Variants in SGCZ observed in about 807,000 individuals in gnomAD.
The protein encoded by SGCZ is sarcoglycan zeta.
A neutral mutation model predicts 41.3 loss-of-function variants in SGCZ; 40 were observed. The observed-to-expected ratio is 0.97, with a 90% confidence interval of 0.75 to 1.26. The LOEUF (loss-of-function observed/expected upper bound fraction) is 1.26. SGCZ is among the 50% of genes most tolerant of loss of function. The probability of loss-of-function intolerance (pLI) is 0.00; values close to 1 mark genes in which losing one functional copy is unlikely to be tolerated. For missense variants in SGCZ, 552 were observed against 369.8 expected, an observed-to-expected ratio of 1.49 and a Z score of -4.04; for synonymous variants, 206 against 137.5, an observed-to-expected ratio of 1.50 and a Z score of -3.49.
chr8:14,803,633 G>T (rs111925871), intron 1 of SGCZ, among the ~76,000 whole-genome samples: 1 of 152,052 alleles, frequency 6.6e-6, no homozygotes, highest in African/African-American at 2.4e-5. Context: ...AAACTGCAAG[G>T]TGGCAGTGAG....
intron 2 of SGCZ, among the ~76,000 whole-genome samples, chr8:14,335,701 C>G (rs995980701): frequency 1.1e-4 from 17 of 152,018 alleles, no homozygotes; most frequent in African/African-American, 4.1e-4. Flanking sequence ...GAAATTCAGA[C>G]AAATCTTGCT....
At position 14,277,167 on chromosome 8, in the gene SGCZ, C is replaced by T. The variant is rs137867265; in HGVS notation, c.337-39488G>A. On this transcript the variant is annotated intron_variant, in intron 3 of 7. Coordinates refer to ENST00000382080, the MANE Select transcript of SGCZ (RefSeq NM_139167.4). ...CATATTAAATAGAGTCTAAATTTCCCAGAATGACACAACTGACTTTTTCAA... is the reference window on the plus strand; with the variant it reads ...CATATTAAATAGAGTCTAAATTTCCTAGAATGACACAACTGACTTTTTCAA... Among the ~76,000 whole-genome samples, 776 of 152,264 alleles carry T rather than the reference C, an allele frequency of 5.1e-3. 6 individuals are homozygous for T. Among genetic ancestry groups the T allele is most frequent in the Non-Finnish European group, 7.0e-3 (478 of 68,022 alleles).
intron 2 of SGCZ, among the ~76,000 whole-genome samples, chr8:14,436,349 T>A (rs746298127): frequency 1.9e-4 from 29 of 152,340 alleles, no homozygotes; most frequent in African/African-American, 6.5e-4. Context: ...TTAAGGTTTG[T>A]GTTCTTTGTT....
At chr8:14,494,201 T>G (rs568719838) in intron 2 of SGCZ, among the ~76,000 whole-genome samples, 14 of 152,334 alleles carry the variant, frequency 9.2e-5, no homozygotes, top group African/African-American at 3.1e-4. Flanking sequence ...TGGCCTGCAT[T>G]AACAAGATGG....
intron 1 of SGCZ, among the ~76,000 whole-genome samples, chr8:14,899,042 A>T (rs1289038983): frequency 1.3e-5 from 2 of 152,118 alleles, no homozygotes; most frequent in Non-Finnish European, 2.9e-5. Context: ...TTAGAGTTTC[A>T]CTTTTTTTTA....
chr8:14,212,025 C>G (rs1440583842), intron 4 of SGCZ, among the ~76,000 whole-genome samples: 3 of 152,138 alleles, frequency 2.0e-5, no homozygotes, highest in Non-Finnish European at 4.4e-5. Context: ...AAGATAGTGA[C>G]TGTTCCTCTA....
chr8:14,656,555 TTC>T (rs760221355), intron 1 of SGCZ, among the ~76,000 whole-genome samples: 3 of 147,222 alleles, frequency 2.0e-5, no homozygotes, highest in Non-Finnish European at 4.5e-5. Flanking sequence ...CCCTTTCTTT[TTC>T]TTTCTTTTCC....
At chr8:14,966,298 G>A in intron 1 of SGCZ, among the ~76,000 whole-genome samples, 1 of 151,646 alleles carries the variant, frequency 6.6e-6, no homozygotes, top group East Asian at 1.9e-4. Flanking sequence ...AAGAGGAGAT[G>A]ATAGGCTATC....
chr8:15,004,506 C>G (rs1274575512), intron 1 of SGCZ, among the ~76,000 whole-genome samples: 1 of 152,064 alleles, frequency 6.6e-6, no homozygotes, highest in African/African-American at 2.4e-5. Flanking sequence ...GTGGGAATTT[C>G]AAGAAAAAAT....
At chr8:14,951,433 C>T (rs1871703) in intron 1 of SGCZ, among the ~76,000 whole-genome samples, 28,203 of 151,794 alleles carry the variant, frequency 0.19, 3,083 homozygotes, top group East Asian at 0.31. Context: ...GCTATTTTTA[C>T]ATACTGACCA....
intron 1 of SGCZ, among the ~76,000 whole-genome samples, chr8:14,731,642 T>G (rs1810242870): frequency 6.6e-6 from 1 of 152,214 alleles, no homozygotes; most frequent in African/African-American, 2.4e-5. Flanking sequence ...CCTTGCTCTG[T>G]GTGTATGCCT....
rs780909039 is a variant in SGCZ at position 14,351,166 on chromosome 8, TG to T, written c.235-26963del. 4.3e-4 allele frequency among the ~76,000 whole-genome samples: 66 copies of T among 152,168 alleles called. 1 individual carries two copies. The highest frequency in any genetic ancestry group is 2.1e-4 in the Non-Finnish European group (14 of 68,014). On this transcript the variant is annotated intron_variant, in intron 2 of 7. Transcript: ENST00000382080. ...AGTCTACCTATGAAAATAAAAGTACTGCGTCTGTAAAAGAGCTACATTCTTA... is the reference window on the plus strand; with the variant it reads ...AGTCTACCTATGAAAATAAAAGTACTCGTCTGTAAAAGAGCTACATTCTTA...
intron 7 of SGCZ, among the ~76,000 whole-genome samples, chr8:14,093,164 T>A (rs962041870): frequency 1.3e-5 from 2 of 152,014 alleles, no homozygotes; most frequent in African/African-American, 4.8e-5. Flanking sequence ...TTGACAGGAG[T>A]AGGAGAGAAT....
At chr8:15,030,050 A>T (rs1399343015) in intron 1 of SGCZ, among the ~76,000 whole-genome samples, 1 of 152,198 alleles carries the variant, frequency 6.6e-6, no homozygotes, top group Admixed American at 6.5e-5. Context: ...CTGTTGTCAG[A>T]AAGCTAGCAC....
chr8:14,864,813 T>C (rs1271835546), intron 1 of SGCZ, among the ~76,000 whole-genome samples: 2 of 152,134 alleles, frequency 1.3e-5, no homozygotes, highest in Non-Finnish European at 2.9e-5. Flanking sequence ...CTCCGGTTCC[T>C]CCTTATCCTC....
chr8:14,369,460 T>C (rs1052256563), intron 2 of SGCZ, among the ~76,000 whole-genome samples: 11 of 152,038 alleles, frequency 7.2e-5, no homozygotes, highest in South Asian at 4.1e-4. Context: ...CAGTGCATCA[T>C]AGCTAGAGGC....
intron 1 of SGCZ, among the ~76,000 whole-genome samples, chr8:15,194,005 G>A (rs1342385461): frequency 1.3e-5 from 2 of 152,148 alleles, no homozygotes; most frequent in African/African-American, 2.4e-5. Flanking sequence ...ACTAGCCAGT[G>A]TAACTTGTTA....
chr8:14,246,766 C>G (rs1333440659), intron 3 of SGCZ, among the ~76,000 whole-genome samples: 2 of 151,252 alleles, frequency 1.3e-5, no homozygotes, highest in Non-Finnish European at 2.9e-5. Context: ...AGAAATTAGC[C>G]AGTCATAGTG....
intron 1 of SGCZ, among the ~76,000 whole-genome samples, chr8:15,001,728 CAA>C (rs1223307583): frequency 0.041 from 3,283 of 80,938 alleles, 43 homozygotes; most frequent in African/African-American, 0.13. Flanking sequence ...GACTCCGTCT[CAA>C]AAAAAAAAAA....
Sources: gnomAD v4.1 joint callset for allele counts (sites outside exome capture counted in the v4.1 genomes callset) on GRCh38, gnomAD v4.1.1 for gene constraint, MANE v1.5 for transcripts, NCBI Gene and HGNC (gene_info 2026-07-23, HGNC 2026-07-21) for gene names.